Variants in ST6GALNAC3 observed in about 807,000 individuals in gnomAD.
ST6GALNAC3 encodes the protein ST6 N-acetylgalactosaminide alpha-2,6-sialyltransferase 3, also known as alpha-N-acetylgalactosaminide alpha-2,6-sialyltransferase 3.
In ST6GALNAC3, 25 loss-of-function variants were observed where a neutral mutation model predicts 32.7. That is an observed-to-expected ratio of 0.76 (90% CI 0.56 to 1.07). ST6GALNAC3 has a LOEUF of 1.07. Among genes scored for constraint, ST6GALNAC3 ranks in the 50% least tolerant of loss-of-function variants. The pLI is 0.00. For missense variants in ST6GALNAC3, 355 were observed against 382.4 expected, an observed-to-expected ratio of 0.93 and a Z score of 0.60; for synonymous variants, 129 against 133.1, an observed-to-expected ratio of 0.97 and a Z score of 0.21.
chr1:76,139,045 T>G (rs2100267297), intron 1 of ST6GALNAC3, among the ~76,000 whole-genome samples: 1 of 152,008 alleles, frequency 6.6e-6, no homozygotes, highest in East Asian at 1.9e-4. Flanking sequence ...ATACAAAAAA[T>G]TAGCTGGGCG....
chr1:76,495,416 T>A (rs74089970), intron 3 of ST6GALNAC3, among the ~76,000 whole-genome samples: 2 of 152,106 alleles, frequency 1.3e-5, no homozygotes, highest in Admixed American at 1.3e-4. Context: ...TCAAACAAAG[T>A]TGCAAAAAGT....
intron 3 of ST6GALNAC3, among the ~76,000 whole-genome samples, chr1:76,519,992 T>G (rs1662413347): frequency 6.6e-6 from 1 of 151,864 alleles, no homozygotes; most frequent in African/African-American, 2.4e-5. Context: ...TACACTGAAG[T>G]GTATATATTT....
chr1:76,079,639 G>A (rs995357036), intron 1 of ST6GALNAC3, among the ~76,000 whole-genome samples: 1 of 152,124 alleles, frequency 6.6e-6, no homozygotes, highest in Admixed American at 6.6e-5. Context: ...CCAGTGACCT[G>A]TCCTCATATA....
At chr1:76,266,875 G>A (rs554433582) in intron 1 of ST6GALNAC3, among the ~76,000 whole-genome samples, 1 of 152,194 alleles carries the variant, frequency 6.6e-6, no homozygotes, top group Non-Finnish European at 1.5e-5. Flanking sequence ...AGGCCCAGCT[G>A]TTCTGTAGGA....
chr1:76,628,371 G>GGA (rs1245416311), intron 4 of ST6GALNAC3, among the ~76,000 whole-genome samples: 2 of 151,884 alleles, frequency 1.3e-5, no homozygotes, highest in African/African-American at 4.8e-5. Context: ...CTTTTCAAAA[G>GGA]ATAGCCATAT....
intron 1 of ST6GALNAC3, among the ~76,000 whole-genome samples, chr1:76,124,771 A>C (rs1649133782): frequency 6.6e-6 from 1 of 152,108 alleles, no homozygotes; most frequent in African/African-American, 2.4e-5. Flanking sequence ...TTATTGTTGA[A>C]ATAAAACTTG....
intron 3 of ST6GALNAC3, among the ~76,000 whole-genome samples, chr1:76,493,239 C>G (rs1009338520): frequency 6.6e-6 from 1 of 152,130 alleles, no homozygotes; most frequent in East Asian, 1.9e-4. Flanking sequence ...GAGGCAGATG[C>G]TGCCATATAG....
chr1:76,210,332 T>C (rs1655080448), intron 1 of ST6GALNAC3, among the ~76,000 whole-genome samples: 1 of 152,210 alleles, frequency 6.6e-6, no homozygotes, highest in Non-Finnish European at 1.5e-5. Flanking sequence ...TCCTTCCCCA[T>C]GTGAACCACA....
chr1:76,455,722 C>T (rs1657728477), intron 3 of ST6GALNAC3, among the ~76,000 whole-genome samples: 1 of 152,146 alleles, frequency 6.6e-6, no homozygotes, highest in South Asian at 2.1e-4. Context: ...TGACTTTCAA[C>T]CAGTACTCTG....
intron 1 of ST6GALNAC3, among the ~76,000 whole-genome samples, chr1:76,158,969 G>T (rs434302): frequency 6.6e-6 from 1 of 151,952 alleles, no homozygotes; most frequent in African/African-American, 2.4e-5. Context: ...CAGGCCCTTC[G>T]TCATGTCATG....
rs924858506 is a variant in ST6GALNAC3, at chr1:76,521,850, C to A, written c.624-105602C>A. On this transcript the variant is annotated intron_variant, in intron 3 of 4. Coordinates refer to ENST00000328299, the MANE Select transcript of ST6GALNAC3 (RefSeq NM_152996.4). ...TTGGGAGGCCGAGGCAGGTGGATTG[C>A]CTGAGCTCAGGAGTTCGAGACCAGC... Among the ~76,000 whole-genome samples the A allele has an allele frequency of 3.3e-5, 5 of 152,228 alleles. No individual in the cohort carries two copies. In the East Asian group the frequency reaches 7.7e-4, roughly 24 times the overall value.
intron 1 of ST6GALNAC3, among the ~76,000 whole-genome samples, chr1:76,247,438 CT>C: frequency 6.6e-6 from 1 of 152,316 alleles, no homozygotes; most frequent in East Asian, 1.9e-4. Flanking sequence ...ACCCCTCCCC[CT>C]AAGTGCTCTG....
intron 2 of ST6GALNAC3, among the ~76,000 whole-genome samples, chr1:76,333,404 C>T (rs1647240601): frequency 6.6e-6 from 1 of 152,092 alleles, no homozygotes; most frequent in Admixed American, 6.6e-5. Flanking sequence ...AGTATTTGTA[C>T]CAAGACTCAT....
At chr1:76,382,405 A>G (rs566441897) in intron 2 of ST6GALNAC3, among the ~76,000 whole-genome samples, 1 of 152,214 alleles carries the variant, frequency 6.6e-6, no homozygotes, top group Non-Finnish European at 1.5e-5. Context: ...TGTAGACAAG[A>G]ATACAGGGGA....
At chr1:76,264,403 C>T (rs562135872) in intron 1 of ST6GALNAC3, among the ~76,000 whole-genome samples, 1 of 152,184 alleles carries the variant, frequency 6.6e-6, no homozygotes, top group Admixed American at 6.5e-5. Context: ...TACTTGGGTT[C>T]ACCAAGCACG....
intron 2 of ST6GALNAC3, among the ~76,000 whole-genome samples, chr1:76,399,179 G>C (rs533726925): frequency 1.3e-5 from 2 of 151,982 alleles, no homozygotes; most frequent in Admixed American, 1.3e-4. Flanking sequence ...GTCTTTTGAG[G>C]GATAGTATAA....
At chr1:76,623,625 TTTTAAGGCATTTGATAGTTATCAC>T (rs1409251366) in intron 3 of ST6GALNAC3, among the ~76,000 whole-genome samples, 2 of 152,076 alleles carry the variant, frequency 1.3e-5, no homozygotes, top group South Asian at 2.1e-4. Flanking sequence ...CTTTAAGAAT[TTTTAAGGCATTTGATAGTTATCAC>T]TTTAAGGCAT....
At chr1:76,328,505 A>G (rs930508403) in intron 2 of ST6GALNAC3, among the ~76,000 whole-genome samples, 2 of 151,988 alleles carry the variant, frequency 1.3e-5, no homozygotes, top group African/African-American at 2.4e-5. Flanking sequence ...CTCTACCTAC[A>G]TTTTTCAAAA....
intron 2 of ST6GALNAC3, among the ~76,000 whole-genome samples, chr1:76,317,865 G>A (rs1452482498): frequency 1.3e-5 from 2 of 152,140 alleles, no homozygotes; most frequent in Non-Finnish European, 2.9e-5. Context: ...ACATCTAGTG[G>A]ACACTGTGGA....
Sources: gnomAD v4.1 joint callset for allele counts (sites outside exome capture counted in the v4.1 genomes callset) on GRCh38, gnomAD v4.1.1 for gene constraint, MANE v1.5 for transcripts, NCBI Gene and HGNC (gene_info 2026-07-23, HGNC 2026-07-21) for gene names.